Variants in KCNIP1 observed in about 807,000 individuals in gnomAD.
KCNIP1 encodes potassium voltage-gated channel interacting protein 1, also known as A-type potassium channel modulatory protein KCNIP1.
KCNIP1 carries 18 observed loss-of-function variants against 33.0 expected under a neutral mutation model. That is an observed-to-expected ratio of 0.55 (90% CI 0.38 to 0.81). The LOEUF is 0.81. Ranked by LOEUF, KCNIP1 falls within the 30% of genes least tolerant of loss-of-function variation. KCNIP1 has a pLI of 0.00. For synonymous variants in KCNIP1, 93 were observed against 98.3 expected (o/e 0.95, Z 0.32); for missense variants, 238 against 271.6 (o/e 0.88, Z 0.87).
intron 1 of KCNIP1, among the ~76,000 whole-genome samples, chr5:170,506,098 C>T (rs2113243699): frequency 6.6e-6 from 1 of 152,310 alleles, no homozygotes; most frequent in South Asian, 2.1e-4. Context: ...CATGCGGTCT[C>T]AGAGGCCAGG....
chr5:170,725,835 A>G (rs1178892044), intron 5 of KCNIP1, among the ~76,000 whole-genome samples: 1 of 152,178 alleles, frequency 6.6e-6, no homozygotes, highest in Non-Finnish European at 1.5e-5. Flanking sequence ...ATATTTTTTA[A>G]AAATAGAGAT....
chr5:170,534,148 A>T (rs910940900), intron 1 of KCNIP1, among the ~76,000 whole-genome samples: 2 of 152,250 alleles, frequency 1.3e-5, no homozygotes, highest in African/African-American at 4.8e-5. Context: ...GGAGGGGCCA[A>T]ACAGGATACT....
chr5:170,707,789 T>G lies in KCNIP1; in HGVS notation c.62-10969T>G, dbSNP rs149629399. Among the ~76,000 whole-genome samples the G allele has an allele frequency of 2.1e-4, 32 of 150,680 alleles. No individual in the cohort carries two copies. In the East Asian group the frequency reaches 5.8e-3, roughly 28 times the overall value. On this transcript the variant is annotated intron_variant, in intron 1 of 7. Coordinates refer to ENST00000328939, the MANE Select transcript of KCNIP1 (RefSeq NM_014592.4). ...AATGGAAGCAGAAACACTCAAAGGT[T>G]TTTTTTTTTGGACTCCCTTTTTCAG...
intron 1 of KCNIP1, among the ~76,000 whole-genome samples, chr5:170,618,516 A>AAGGAAGGGAGGG (rs1561721100): frequency 6.4e-5 from 5 of 77,982 alleles, no homozygotes; most frequent in Non-Finnish European, 1.2e-4. Context: ...AGGAGGAAGG[A>AAGGAAGGGAGGG]AGGGAGGGAG....
At chr5:170,609,856 C>G (rs1397058368) in intron 1 of KCNIP1, among the ~76,000 whole-genome samples, 1 of 151,976 alleles carries the variant, frequency 6.6e-6, no homozygotes, top group African/African-American at 2.4e-5. Flanking sequence ...GATCCTGTCT[C>G]TAAAAACAAA....
intron 1 of KCNIP1, among the ~76,000 whole-genome samples, chr5:170,417,175 A>AGATG (rs1190457650): frequency 6.6e-6 from 1 of 152,272 alleles, no homozygotes; most frequent in Non-Finnish European, 1.5e-5. Flanking sequence ...ATGTACCAAC[A>AGATG]TAAAAAGACA....
At chr5:170,502,788 G>T (rs1415527269), upstream of KCNIP1, among the ~76,000 whole-genome samples, 1 of 152,204 alleles carries the variant, frequency 6.6e-6, no homozygotes, top group African/African-American at 2.4e-5. Flanking sequence ...TTGGGCAAAG[G>T]ATCCTCAGTG....
intron 1 of KCNIP1, among the ~76,000 whole-genome samples, chr5:170,424,359 A>G (rs539020625): frequency 6.6e-6 from 1 of 152,316 alleles, no homozygotes; most frequent in Admixed American, 6.5e-5. Flanking sequence ...GCTGAGGCCT[A>G]TGGAAATGAA....
At chr5:170,432,628 G>A (rs1341611408) in intron 1 of KCNIP1, among the ~76,000 whole-genome samples, 2 of 152,152 alleles carry the variant, frequency 1.3e-5, no homozygotes, top group Non-Finnish European at 2.9e-5. Context: ...CTCTGAAGCT[G>A]GCAAGTGTTC....
At chr5:170,641,801 T>G (rs1441373979) in intron 1 of KCNIP1, among the ~76,000 whole-genome samples, 1 of 152,164 alleles carries the variant, frequency 6.6e-6, no homozygotes, top group Non-Finnish European at 1.5e-5. Context: ...TCCTGGCAGC[T>G]TCGAATGGCT....
chr5:170,491,940 G>T (rs556459683), intron 1 of KCNIP1, among the ~76,000 whole-genome samples: 1 of 152,216 alleles, frequency 6.6e-6, no homozygotes, highest in African/African-American at 2.4e-5. Flanking sequence ...CTCTAGAGGA[G>T]CCCTTGTTTT....
intron 1 of KCNIP1, among the ~76,000 whole-genome samples, chr5:170,560,902 A>G (rs55691638): frequency 0.26 from 39,077 of 151,448 alleles, 6,670 homozygotes; most frequent in African/African-American, 0.49. Context: ...CTTCCTCCCC[A>G]GATTCTCCCT....
At chr5:170,418,575 A>G (rs1043545987) in intron 1 of KCNIP1, among the ~76,000 whole-genome samples, 6 of 152,220 alleles carry the variant, frequency 3.9e-5, no homozygotes, top group Non-Finnish European at 8.8e-5. Context: ...TACAATTCAG[A>G]TCCTATCCAG....
At chr5:170,358,059 T>A (rs314146) in intron 1 of KCNIP1, among the ~76,000 whole-genome samples, 32,790 of 152,036 alleles carry the variant, frequency 0.22, 4,391 homozygotes, top group African/African-American at 0.38. Flanking sequence ...TCAGCTCCCC[T>A]CCACCCGCCT....
chr5:170,383,008 AAAAG>A (rs1764310667), intron 1 of KCNIP1: 1 of 152,464 alleles, frequency 6.6e-6, no homozygotes, highest in Non-Finnish European at 1.5e-5. Context: ...GAAAAAAAAG[AAAAG>A]AAAGAAGGAG....
At chr5:170,619,025 G>T (rs774003288) in intron 1 of KCNIP1, among the ~76,000 whole-genome samples, 1 of 152,164 alleles carries the variant, frequency 6.6e-6, no homozygotes, top group Non-Finnish European at 1.5e-5. Flanking sequence ...TTCTTCAACA[G>T]TGTATCCTCA....
At chr5:170,600,494 G>A (rs1424757868) in intron 1 of KCNIP1, among the ~76,000 whole-genome samples, 3 of 152,046 alleles carry the variant, frequency 2.0e-5, no homozygotes, top group Non-Finnish European at 2.9e-5. Context: ...ATCAGGCCAC[G>A]TAGCACCTGG....
At chr5:170,466,071 G>A (rs1250513286) in intron 1 of KCNIP1, among the ~76,000 whole-genome samples, 1 of 152,222 alleles carries the variant, frequency 6.6e-6, no homozygotes. Context: ...AGAAATAATA[G>A]TGCTTGGGGC....
chr5:170,675,313 T>C (rs563027072), intron 1 of KCNIP1, among the ~76,000 whole-genome samples: 1 of 151,256 alleles, frequency 6.6e-6, no homozygotes, highest in Non-Finnish European at 1.5e-5. Context: ...AATATATATA[T>C]ATAAATAAAT....
Sources: gnomAD v4.1 joint callset for allele counts (sites outside exome capture counted in the v4.1 genomes callset) on GRCh38, gnomAD v4.1.1 for gene constraint, MANE v1.5 for transcripts, NCBI Gene and HGNC (gene_info 2026-07-23, HGNC 2026-07-21) for gene names.